Variants in ATXN10 observed in about 807,000 individuals in gnomAD.
ATXN10 encodes the protein ataxin-10.
ATXN10 carries 28 observed loss-of-function variants against 52.9 expected under a neutral mutation model. The observed-to-expected ratio is 0.53, with a 90% CI of 0.39 to 0.73. The LOEUF (loss-of-function observed/expected upper bound fraction) is 0.73. Among genes scored for constraint, ATXN10 ranks in the 30% least tolerant of loss-of-function variants. ATXN10 has a pLI of 0.00. For missense variants in ATXN10, 565 were observed against 577.0 expected (o/e 0.98, Z 0.21); for synonymous variants, 226 against 221.5 (o/e 1.02, Z -0.18).
chr22:45,824,146 G>A lies in ATXN10; in HGVS notation c.1237+17124G>A, dbSNP rs917097103. The stretch of plus-strand genomic sequence containing the variant: ...CTTACCTGCTGAGTGTAGTCAGCCC[G>A]TCCTGTTTTCCCTTCCGGCACTCTG... On this transcript the variant is annotated intron_variant, in intron 10 of 11. Coordinates refer to ENST00000252934, the MANE Select transcript of ATXN10 (RefSeq NM_013236.4). The surrounding 1 kb of genome is among the most constrained non-coding windows in gnomAD (Gnocchi z 5.2). Among the ~76,000 whole-genome samples the A allele has an allele frequency of 2.0e-5, 3 of 151,952 alleles. No homozygotes were observed. Among genetic ancestry groups the A allele is most frequent in the East Asian group, 1.9e-4 (1 of 5,154 alleles).
rs1922925574 is a variant in ATXN10 at position 45,681,629 on chromosome 22, T to G, written c.117-8083T>G. On this transcript the variant is annotated intron_variant, in intron 1 of 11. Transcript: ENST00000252934. This position sits in a 1 kb window ranked among gnomAD's most constrained non-coding sequence, Gnocchi z 4.2. ...AACTCCAGCTCTGGTCAAATCCAACTTGTTACCTTTGCGACAGTACCCAAA... is the reference window on the plus strand; with the variant it reads ...AACTCCAGCTCTGGTCAAATCCAACGTGTTACCTTTGCGACAGTACCCAAA... 1.3e-5 allele frequency among the ~76,000 whole-genome samples: 2 copies of G among 152,188 alleles called. No individual in the cohort carries two copies. Among genetic ancestry groups the G allele is most frequent in the South Asian group, 4.1e-4 (2 of 4,824 alleles).
intron 3 of ATXN10, among the ~76,000 whole-genome samples, chr22:45,697,672 C>T (rs111919658): frequency 6.6e-6 from 1 of 152,294 alleles, no homozygotes; most frequent in African/African-American, 2.4e-5. Context: ...CGCTGTCGCC[C>T]AGGCTGGAGT....
intron 6 of ATXN10, among the ~76,000 whole-genome samples, chr22:45,722,544 C>G (rs1924696776): frequency 6.6e-6 from 1 of 152,200 alleles, no homozygotes; most frequent in Non-Finnish European, 1.5e-5. Context: ...ATCGTTAGCT[C>G]TCTCATCTTG....
Position 45,775,861 on chromosome 22 carries a change from C to T in ATXN10, c.1174-31098C>T, listed in dbSNP as rs1424104323. On this transcript the variant is annotated intron_variant, in intron 9 of 11. Coordinates refer to ENST00000252934, the MANE Select transcript of ATXN10 (RefSeq NM_013236.4). The surrounding 1 kb of genome is among the most constrained non-coding windows in gnomAD (Gnocchi z 4.7). ...GATCATTCCGCCCCTCACAGCCAGC[C>T]GGGAGGTAACATTAACATCCGTTTG... 2.0e-5 allele frequency among the ~76,000 whole-genome samples: 3 copies of T among 152,102 alleles called. No individual in the cohort carries two copies. Among genetic ancestry groups the T allele is most frequent in the African/African-American group, 7.2e-5 (3 of 41,424 alleles).
chr22:45,697,646 T>A (rs1253467141), intron 3 of ATXN10, among the ~76,000 whole-genome samples: 4 of 152,162 alleles, frequency 2.6e-5, no homozygotes, highest in Non-Finnish European at 4.4e-5. Context: ...TTATTTATTT[T>A]TTTGAGACAG....
At chr22:45,694,352 T>TA (rs974293892) in intron 3 of ATXN10, among the ~76,000 whole-genome samples, 4 of 152,142 alleles carry the variant, frequency 2.6e-5, no homozygotes, top group Non-Finnish European at 4.4e-5. Context: ...AATTATTTGA[T>TA]AAAAAAATCT....
chr22:45,761,579 C>T (rs998928516), intron 9 of ATXN10, among the ~76,000 whole-genome samples: 1 of 152,188 alleles, frequency 6.6e-6, no homozygotes, highest in Non-Finnish European at 1.5e-5. Context: ...TAGGTATAAT[C>T]TCGAAAAGGT....
chr22:45,711,276 A>C (rs1467660210), intron 5 of ATXN10, among the ~76,000 whole-genome samples: 1 of 152,162 alleles, frequency 6.6e-6, no homozygotes, highest in African/African-American at 2.4e-5. Flanking sequence ...TGAATCCCCA[A>C]AGGTTAAATA....
rs781356996 is a variant in ATXN10 at position 45,780,249 on chromosome 22, A to G, written c.1174-26710A>G. ...CAGGCGTGTGCCACCACGCCCAGCTAATTTTTGTATTTTTAGTAGAGATAG... is the reference window on the plus strand; with the variant it reads ...CAGGCGTGTGCCACCACGCCCAGCTGATTTTTGTATTTTTAGTAGAGATAG... On this transcript the variant is annotated intron_variant, in intron 9 of 11. Transcript: ENST00000252934. The surrounding 1 kb of genome is among the most constrained non-coding windows in gnomAD (Gnocchi z 4.0). 6.6e-6 allele frequency among the ~76,000 whole-genome samples: 1 copy of G among 152,012 alleles called. No homozygotes were observed. Among genetic ancestry groups the G allele is most frequent in the South Asian group, 2.1e-4 (1 of 4,812 alleles).
rs1449888008 is a variant in ATXN10, at chr22:45,744,708, G to A, written c.1173+4170G>A. On this transcript the variant is annotated intron_variant, in intron 9 of 11. Transcript: ENST00000252934. This position sits in a 1 kb window ranked among gnomAD's most constrained non-coding sequence, Gnocchi z 4.9. ...GTCCTCTGGGCTGGCTGTGCCAGGA[G>A]CATTTCTCTCTAAGGACAGGCACTG... The A allele has an allele frequency of 1.3e-5, 2 of 152,246 alleles. No homozygotes were observed. Among genetic ancestry groups the A allele is most frequent in the African/African-American group, 2.4e-5 (1 of 41,454 alleles). 9.4% of individuals were successfully genotyped at this position (152,246 alleles called of 1,614,324 possible). A position where few individuals can be genotyped will look rare whatever the true frequency, so the allele number is the denominator to read the frequency against.
chr22:45,801,010 A>G (rs1601655141), intron 9 of ATXN10, among the ~76,000 whole-genome samples: 1 of 152,226 alleles, frequency 6.6e-6, no homozygotes, highest in African/African-American at 2.4e-5. Flanking sequence ...TCTGTAAATT[A>G]TACCTCAATA....
intron 10 of ATXN10, among the ~76,000 whole-genome samples, chr22:45,830,288 G>A (rs1199196911): frequency 2.0e-5 from 3 of 152,166 alleles, no homozygotes; most frequent in Admixed American, 2.0e-4. Flanking sequence ...ATTGGATTTG[G>A]CAGTTATTTA....
rs141771093 is a variant in ATXN10, at chr22:45,770,578, TG to T, written c.1173+30042del. Among the ~76,000 whole-genome samples, 13,706 of 152,314 alleles carry T rather than the reference TG, an allele frequency of 0.09. 792 individuals carry two copies. The highest frequency in any genetic ancestry group is 0.16 in the Middle Eastern group (46 of 294). On this transcript the variant is annotated intron_variant, in intron 9 of 11. Transcript: ENST00000252934. The surrounding 1 kb of genome is among the most constrained non-coding windows in gnomAD (Gnocchi z 4.5). ...CTGGATGATAGGCAGACCTGGACTC[TG>T]GAGTCCTCCCAGAATGGACCAGACC... is the stretch of plus-strand genomic sequence containing the variant.
rs12171239 is a variant in ATXN10 at position 45,826,059 on chromosome 22, C to T, written c.1238-16932C>T. Among the ~76,000 whole-genome samples, 1,689 of 152,148 alleles carry T rather than the reference C, an allele frequency of 0.011. 38 individuals are homozygous for T. The highest frequency in any genetic ancestry group is 0.039 in the African/African-American group (1,615 of 41,468). ...CCTGGGGAACAGAGCCAGGCCCTGTCTCTAAATCAAAACAAAACAAAAAGC... is the reference window on the plus strand; with the variant it reads ...CCTGGGGAACAGAGCCAGGCCCTGTTTCTAAATCAAAACAAAACAAAAAGC... On this transcript the variant is annotated intron_variant, in intron 10 of 11. Coordinates refer to ENST00000252934, the MANE Select transcript of ATXN10 (RefSeq NM_013236.4). The surrounding 1 kb of genome is among the most constrained non-coding windows in gnomAD (Gnocchi z 5.0).
intron 5 of ATXN10, among the ~76,000 whole-genome samples, chr22:45,716,635 G>T (rs1003230378): frequency 2.0e-5 from 3 of 152,030 alleles, no homozygotes; most frequent in African/African-American, 7.2e-5. Context: ...GTGAGCCACG[G>T]CCTGGAATGT....
chr22:45,719,531 C>G lies in ATXN10; in HGVS notation c.728+1038C>G, dbSNP rs376806622. On this transcript the variant is annotated intron_variant, in intron 6 of 11. Transcript: ENST00000252934. ...GTTTTTTGACCTAAAAGAGATAATA[C>G]GACATACAGTGCTAAAAATTAGTAT... is the stretch of plus-strand genomic sequence containing the variant. Among the ~76,000 whole-genome samples, 11 of 151,162 alleles carry G rather than the reference C, an allele frequency of 7.3e-5. No individual in the cohort carries two copies. The South Asian group carries it at 1.7e-3, about 23-fold the overall frequency.
At chr22:45,829,470 C>A (rs535662090) in intron 10 of ATXN10, among the ~76,000 whole-genome samples, 34 of 151,916 alleles carry the variant, frequency 2.2e-4, no homozygotes, top group African/African-American at 8.2e-4. Context: ...TATGGGAAAC[C>A]CTAAAGATTC....
chr22:45,688,197 G>A lies in ATXN10; in HGVS notation c.117-1515G>A, dbSNP rs550444067. Among the ~76,000 whole-genome samples the A allele has an allele frequency of 6.6e-6, 1 of 152,082 alleles. No homozygotes were observed. The highest frequency in any genetic ancestry group is 1.5e-5 in the Non-Finnish European group (1 of 68,016). On this transcript the variant is annotated intron_variant, in intron 1 of 11. Coordinates refer to ENST00000252934, the MANE Select transcript of ATXN10 (RefSeq NM_013236.4). The surrounding 1 kb of genome is among the most constrained non-coding windows in gnomAD (Gnocchi z 4.0). ...CCTTGAATTTTCATTTCTTAATTTGGTCACTCAGTTGCCGAGACACTGAGT... is the reference window on the plus strand; with the variant it reads ...CCTTGAATTTTCATTTCTTAATTTGATCACTCAGTTGCCGAGACACTGAGT...
At chr22:45,815,210 A>G (rs1335725397) in intron 10 of ATXN10, among the ~76,000 whole-genome samples, 1 of 152,210 alleles carries the variant, frequency 6.6e-6, no homozygotes, top group Non-Finnish European at 1.5e-5. Flanking sequence ...CTAGCATGAT[A>G]CTGAGTGAAA....
Sources: gnomAD v4.1 joint callset for allele counts (sites outside exome capture counted in the v4.1 genomes callset) on GRCh38, gnomAD v4.1.1 for gene constraint, Gnocchi (gnomAD v3.1) non-coding constraint, MANE v1.5 for transcripts, NCBI Gene and HGNC (gene_info 2026-07-23, HGNC 2026-07-21) for gene names.